The following HMCN2 variants were observed in gnomAD, a reference collection of about 807,000 sequenced individuals.
HMCN2 encodes the protein hemicentin-2.
In HMCN2, 325 loss-of-function variants were observed where a neutral mutation model predicts 377.5. The ratio of observed to expected loss-of-function variants is 0.86; its 90% CI spans 0.79 to 0.94. HMCN2 has a LOEUF of 0.94. Ranked by LOEUF, HMCN2 falls within the 40% of genes least tolerant of loss-of-function variation. The pLI is 0.00. For synonymous variants in HMCN2, 2,007 were observed against 2,046.8 expected, an observed-to-expected ratio of 0.98 and a Z score of 0.53; for missense variants, 4,543 against 4,725.3, an observed-to-expected ratio of 0.96 and a Z score of 1.13.
Position 130,428,341 on chromosome 9 carries a change from C to A in HMCN2, c.14066-17C>A, listed in dbSNP as rs140919268. ...GGGATCATGTTCACACAGCCGTCTG[C>A]CCTGATCTGCCCCCAGATGTGGACG... On this transcript the variant is annotated splice_polypyrimidine_tract_variant and intron_variant, in intron 92 of 97. Transcript: ENST00000683500. The surrounding 1 kb of genome is among the most constrained non-coding windows in gnomAD (Gnocchi z 5.0). 3 of 1,538,980 alleles carry A rather than the reference C, an allele frequency of 1.9e-6. No individual in the cohort carries two copies. The South Asian group carries it at 3.6e-5, about 18-fold the overall frequency.
At chr9:130,411,329 C>G (rs546587036) in intron 85 of HMCN2, among the ~76,000 whole-genome samples, 1 of 152,064 alleles carries the variant, frequency 6.6e-6, no homozygotes, top group Admixed American at 6.6e-5. Flanking sequence ...GGGCTGGGCT[C>G]GGTGACTCAC....
At chr9:130,280,082 C>T (rs1197306081) in intron 1 of HMCN2, among the ~76,000 whole-genome samples, 1 of 151,854 alleles carries the variant, frequency 6.6e-6, no homozygotes, top group African/African-American at 2.4e-5. Flanking sequence ...CTAAAACCCC[C>T]AGGAGGAATG....
chr9:130,275,730 G>T (rs561707373), intron 1 of HMCN2, among the ~76,000 whole-genome samples: 11 of 152,110 alleles, frequency 7.2e-5, no homozygotes, highest in African/African-American at 2.7e-4. Flanking sequence ...GATTACAGGC[G>T]TGAGCCACCA....
At chr9:130,367,923 CAGAG>C (rs1347097342) in intron 43 of HMCN2, among the ~76,000 whole-genome samples, 5 of 116,092 alleles carry the variant, frequency 4.3e-5, no homozygotes, top group Non-Finnish European at 6.6e-5. Flanking sequence ...GCCTGGGCAA[CAGAG>C]AGAGACTCTG....
rs1187038721 is a variant in HMCN2, at chr9:130,334,722, TTC to T, written c.3360-3166_3360-3165del. On this transcript the variant is annotated intron_variant, in intron 22 of 97. Transcript: ENST00000683500. Reference sequence around the variant, plus strand: ...CTTTCTTTCTTTCTCTCTCTCTCTCTTCTCTCTTTCTCTCTCTTTCTCTTTCT... The same window carrying T: ...CTTTCTTTCTTTCTCTCTCTCTCTCTTCTCTTTCTCTCTCTTTCTCTTTCT... Among the ~76,000 whole-genome samples, 230 of 138,538 alleles carry T rather than the reference TTC, an allele frequency of 1.7e-3. 2 individuals carry two copies. The highest frequency in any genetic ancestry group is 5.3e-3 in the African/African-American group (203 of 38,570). The allele number at this position is 138,538 out of a possible 152,430, so 90.9% of individuals were successfully genotyped here.
intron 19 of HMCN2, among the ~76,000 whole-genome samples, chr9:130,322,898 C>G (rs1837930134): frequency 6.6e-6 from 1 of 152,016 alleles, no homozygotes; most frequent in Non-Finnish European, 1.5e-5. Flanking sequence ...CGTCTTTTTT[C>G]TTGTTTGTTT....
At chr9:130,316,172 C>A (rs1342466516) in intron 15 of HMCN2, among the ~76,000 whole-genome samples, 1 of 152,102 alleles carries the variant, frequency 6.6e-6, no homozygotes, top group African/African-American at 2.4e-5. Flanking sequence ...GGAATGAGGC[C>A]GAGGAGGACT....
At chr9:130,335,869 C>T (rs1347242232) in intron 22 of HMCN2, among the ~76,000 whole-genome samples, 6 of 152,282 alleles carry the variant, frequency 3.9e-5, no homozygotes, top group African/African-American at 1.2e-4. Context: ...GAGGCGGTTC[C>T]GCAGCCATTA....
At chr9:130,309,119 C>T (rs1195856492) in intron 14 of HMCN2, among the ~76,000 whole-genome samples, 2 of 152,182 alleles carry the variant, frequency 1.3e-5, no homozygotes, top group Admixed American at 6.5e-5. Context: ...GCATATTTAA[C>T]TACAATAAAT....
rs1836733200 is a variant in HMCN2 at position 130,304,627 on chromosome 9, G to C, written c.1544-103G>C. 2.6e-6 allele frequency: 1 copy of C among 378,636 alleles called. No homozygotes were observed. Among genetic ancestry groups the C allele is most frequent in the Admixed American group, 3.0e-5 (1 of 33,616 alleles). 23.5% of individuals were successfully genotyped at this position (378,636 alleles called of 1,614,324 possible). On this transcript the variant is annotated intron_variant, in intron 10 of 97. Transcript: ENST00000683500. This position sits in a 1 kb window ranked among gnomAD's most constrained non-coding sequence, Gnocchi z 4.3. ...TGTCCTGAATGATCTGGTTCGGGTG[G>C]GCCTGCACCTCAGGGTGGGGTTCTG...
chr9:130,429,536 G>A (rs906699956), intron 93 of HMCN2, 21 bp from the exon 94 acceptor site: 27 of 1,549,890 alleles, frequency 1.7e-5, no homozygotes, highest in African/African-American at 2.7e-5. Flanking sequence ...CCCCACCACC[G>A]ACCATGCCCC....
At chr9:130,404,583 G>A (rs537956848) in intron 80 of HMCN2, among the ~76,000 whole-genome samples, 37 of 152,372 alleles carry the variant, frequency 2.4e-4, no homozygotes, top group African/African-American at 8.7e-4. Context: ...CAAGGCCTCT[G>A]TCCTGCGGCT....
In HMCN2 at chr9:130,369,939, T is replaced by C. The variant is rs1349186701; in HGVS notation, c.7069+88T>C. The stretch of plus-strand genomic sequence containing the variant: ...CAATCTCCAGGCACGGCCCTCAGGC[T>C]GTGATCCTGGGGTCACACCTGTTCT... On this transcript the variant is annotated intron_variant, in intron 45 of 97. Transcript: ENST00000683500. The surrounding 1 kb of genome is among the most constrained non-coding windows in gnomAD (Gnocchi z 4.5). 3.7e-6 allele frequency: 3 copies of C among 808,932 alleles called. No individual in the cohort carries two copies. 50.1% of individuals were successfully genotyped at this position (808,932 alleles called of 1,614,324 possible).
At chr9:130,324,655 C>T (rs1443051227) in intron 19 of HMCN2, among the ~76,000 whole-genome samples, 1 of 152,032 alleles carries the variant, frequency 6.6e-6, no homozygotes, top group Non-Finnish European at 1.5e-5. Context: ...GATGGAGTCT[C>T]ACTCTATGGC....
rs1844924385 is a variant in HMCN2, at chr9:130,433,818, G to A, written c.*125G>A. On this transcript the variant is annotated 3_prime_UTR_variant, in exon 98 of 98. Transcript: ENST00000683500. ...CGTCTCCCGCCCCGTGCGTCAGCGA[G>A]ACCTTGGGTCAACACGACCCTGCGC... The A allele has an allele frequency of 2.4e-6, 2 of 818,112 alleles. No individual in the cohort carries two copies. Among genetic ancestry groups the A allele is most frequent in the South Asian group, 4.2e-5 (2 of 47,124 alleles). 50.7% of individuals were successfully genotyped at this position (818,112 alleles called of 1,614,324 possible).
chr9:130,382,771 G>C lies in HMCN2; in HGVS notation c.8638G>C (p.Gly2880Arg). 2 of 985,952 alleles carry C rather than the reference G, an allele frequency of 2.0e-6. No individual in the cohort carries two copies. Among genetic ancestry groups the C allele is most frequent in the Non-Finnish European group, 2.4e-6 (2 of 829,982 alleles). 61.1% of individuals were successfully genotyped at this position (985,952 alleles called of 1,614,324 possible). Residue 2880 changes from glycine (G) to arginine (R), a missense_variant, in exon 56 of 98, where the codon GGA becomes CGA. Coordinates refer to ENST00000683500, the MANE Select transcript of HMCN2 (RefSeq NM_001291815.2). ...STVSLQCPAL[G>R]NPVPTISWLQ... is the part of the protein sequence containing the mutation. ...CGTCAGCCTGCAGTGCCCGGCCCTG[G>C]GAAACCCCGTGCCCACCATCTCATG... is the stretch of plus-strand genomic sequence containing the variant.
intron 55 of HMCN2, 60 bp from the exon 56 acceptor site, chr9:130,382,619 G>A (rs1202370242): frequency 9.8e-6 from 7 of 717,308 alleles, no homozygotes; most frequent in Non-Finnish European, 1.0e-5. Context: ...TCGCCTCCAC[G>A]GCCACCCCCG....
intron 31 of HMCN2, among the ~76,000 whole-genome samples, 183 bp from the exon 32 acceptor site, chr9:130,354,580 G>A (rs529067175): frequency 6.6e-6 from 1 of 152,198 alleles, no homozygotes; most frequent in Non-Finnish European, 1.5e-5. Context: ...GCGCCCAGGG[G>A]CTGAGGAGGG....
intron 19 of HMCN2, among the ~76,000 whole-genome samples, chr9:130,324,667 C>T (rs1344584465): frequency 6.6e-6 from 1 of 152,022 alleles, no homozygotes; most frequent in Non-Finnish European, 1.5e-5. Context: ...CTCTATGGCC[C>T]AGGCTGGAGT....
Sources: allele counts gnomAD v4.1 joint callset (sites outside exome capture counted in the v4.1 genomes callset), GRCh38; gene constraint gnomAD v4.1.1; non-coding constraint Gnocchi (gnomAD v3.1); transcripts MANE v1.5; gene names NCBI Gene and HGNC (gene_info 2026-07-23, HGNC 2026-07-21).